Variants in TMEM184A observed in about 807,000 individuals in gnomAD.
The protein encoded by TMEM184A is transmembrane protein 184A.
A neutral mutation model predicts 39.5 loss-of-function variants in TMEM184A; 40 were observed. That is an observed-to-expected ratio of 1.01 (90% CI 0.79 to 1.32). The LOEUF is 1.32. TMEM184A is among the 40% of genes most tolerant of loss of function. TMEM184A has a pLI of 0.00. For synonymous variants in TMEM184A, 280 were observed against 252.3 expected, an observed-to-expected ratio of 1.11 and a Z score of -1.04; for missense variants, 603 against 568.8, an observed-to-expected ratio of 1.06 and a Z score of -0.61.
rs1261893844 is a variant in TMEM184A at position 1,543,648 on chromosome 7, A to T, written c.*3304T>A. The T allele has an allele frequency of 6.6e-6, 1 of 152,328 alleles. No homozygotes were observed. The highest frequency in any genetic ancestry group is 1.5e-5 in the Non-Finnish European group (1 of 68,106). The allele number at this position is 152,328 out of a possible 1,614,324, so 9.4% of individuals were successfully genotyped here. ...GTGAAATCCCAACTCGAGTTTTTTGAGACAGTATCTTGCTTTGTCACCCAA... is the reference window on the plus strand; with the variant it reads ...GTGAAATCCCAACTCGAGTTTTTTGTGACAGTATCTTGCTTTGTCACCCAA... On this transcript the variant is annotated 3_prime_UTR_variant, in exon 9 of 9. Transcript: ENST00000297477.
rs371546780 is a variant in TMEM184A at position 1,555,303 on chromosome 7, A to G, written c.182T>C (p.Ile61Thr). The change falls in exon 2 of 9, where the codon ATC becomes ACC. Residue 61 changes from isoleucine to threonine, a missense_variant. By Grantham distance (89) the Ile-to-Thr change is moderately conservative. Transcript: ENST00000297477. This position sits in a 1 kb window ranked among gnomAD's most constrained non-coding sequence, Gnocchi z 5.2. ...TSALARGVSG[I>T]FVWTALVLTC... ...GAGCACCAGGGCAGTCCACACGAAG[A>G]TCCCCGAGACGCCTCGGGCCAGTGC... The G allele has an allele frequency of 2.5e-6, 4 of 1,607,286 alleles. No individual in the cohort carries two copies. The highest frequency in any genetic ancestry group is 3.4e-6 in the Non-Finnish European group (4 of 1,177,232).
At chr7:1,550,723 G>A (rs1784555574) in intron 3 of TMEM184A, 94 bp downstream of exon 3, 9 of 1,479,086 alleles carry the variant, frequency 6.1e-6, no homozygotes, top group Non-Finnish European at 8.3e-6. Context: ...AGAGTGGGGT[G>A]CCCTGGGGAC....
chr7:1,545,488 G>C lies in TMEM184A; in HGVS notation c.*1464C>G, dbSNP rs970160195. 6.6e-6 allele frequency: 1 copy of C among 152,600 alleles called. No individual in the cohort carries two copies. Among genetic ancestry groups the C allele is most frequent in the Non-Finnish European group, 1.5e-5 (1 of 68,232 alleles). The allele number at this position is 152,600 out of a possible 1,614,324, so 9.5% of individuals were successfully genotyped here. On this transcript the variant is annotated 3_prime_UTR_variant, in exon 9 of 9. Coordinates refer to ENST00000297477, the MANE Select transcript of TMEM184A (RefSeq NM_001097620.2). ...GTGGGGGGCAGCACGGGTGGGAGCC[G>C]CGGTCCCGGGGTGGTGCCCACTGGA... is the stretch of plus-strand genomic sequence containing the variant.
In TMEM184A at chr7:1,548,425, G is replaced by A. The variant is rs577129992; in HGVS notation, c.814+94C>T. On this transcript the variant is annotated intron_variant, in intron 7 of 8. Transcript: ENST00000297477. Reference sequence around the variant, plus strand: ...GCTGCAGCTGGAGAAACTGAAGCACGTGGGGGCTGGGGAAAGGGGTGTGAG... The same window carrying A: ...GCTGCAGCTGGAGAAACTGAAGCACATGGGGGCTGGGGAAAGGGGTGTGAG... 9.2e-6 allele frequency: 13 copies of A among 1,410,224 alleles called. No homozygotes were observed. In the South Asian group the frequency reaches 1.1e-4, roughly 12 times the overall value. 87.4% of individuals were successfully genotyped at this position (1,410,224 alleles called of 1,614,324 possible). A position where few individuals can be genotyped will look rare whatever the true frequency, so the allele number is the denominator to read the frequency against.
In TMEM184A at chr7:1,548,581, G is replaced by A; in HGVS notation, c.752C>T (p.Pro251Leu). 1.2e-6 allele frequency: 2 copies of A among 1,613,884 alleles called. No homozygotes were observed. The highest frequency in any genetic ancestry group is 2.2e-5 in the South Asian group (2 of 91,082). Residue 251 changes from proline to leucine, a missense_variant, in exon 7 of 9, where the codon CCC (proline) becomes CTC (leucine). Physicochemically the swap from Pro to Leu is moderately conservative, Grantham distance 98. Coordinates refer to ENST00000297477, the MANE Select transcript of TMEM184A (RefSeq NM_001097620.2). ...GAGGAACTTGAGGACGGGCTGGAAG[G>A]GCCGCAGGAGCTCCCTGGTGGTGAA... ...FYFTTRELLR[P>L]FQPVLKFLTI...
At position 1,546,844 on chromosome 7, in the gene TMEM184A, C is replaced by A. The variant is rs1432196149; in HGVS notation, c.*108G>T. On this transcript the variant is annotated 3_prime_UTR_variant, in exon 9 of 9. Coordinates refer to ENST00000297477, the MANE Select transcript of TMEM184A (RefSeq NM_001097620.2). ...GCTCCGAGGGCCTCACAGGTGGGCT[C>A]TCAGGAGAGGCCCCACCTTTGGCAG... 1.3e-6 allele frequency: 1 copy of A among 764,822 alleles called. No homozygotes were observed. The highest frequency in any genetic ancestry group is 1.8e-5 in the African/African-American group (1 of 56,060). 47.4% of individuals were successfully genotyped at this position (764,822 alleles called of 1,614,324 possible).
chr7:1,555,337 G>A lies in TMEM184A; in HGVS notation c.148C>T (p.Leu50Phe), dbSNP rs773918251. The change falls in exon 2 of 9, where the codon CTC (leucine) becomes TTC (phenylalanine). Residue 50 changes from leucine (L) to phenylalanine (F), a missense_variant. Leu to Phe is a conservative substitution (Grantham distance 22). Transcript: ENST00000297477. The surrounding 1 kb of genome is among the most constrained non-coding windows in gnomAD (Gnocchi z 5.2). ...ACGCCTCGGGCCAGTGCGGAGGTGA[G>A]GAAGAGCCAGGGGGCCCCCTGGGAG... ...NSSQGAPWLF[L>F]TSALARGVSG... The A allele has an allele frequency of 3.1e-6, 5 of 1,610,364 alleles. No homozygotes were observed. Among genetic ancestry groups the A allele is most frequent in the Admixed American group, 3.4e-5 (2 of 59,584 alleles).
At position 1,548,743 on chromosome 7, in the gene TMEM184A, C is replaced by A. The variant is rs751639977; in HGVS notation, c.645-55G>T. On this transcript the variant is annotated intron_variant, in intron 6 of 8. Transcript: ENST00000297477. ...GGTCCCATGACCCCGCCACTGTCCC[C>A]ACCCTAGAGCCACCGCCGCTGCACC... is the stretch of plus-strand genomic sequence containing the variant. 8 of 1,590,586 alleles carry A rather than the reference C, an allele frequency of 5.0e-6. No individual in the cohort carries two copies. In the Admixed American group the frequency reaches 1.4e-4, roughly 28 times the overall value.
chr7:1,550,920 G>A lies in TMEM184A; in HGVS notation c.282C>T (p.Leu94=), dbSNP rs1784565499. 1 of 1,613,834 alleles carries A rather than the reference G, an allele frequency of 6.2e-7. No individual in the cohort carries two copies. Among genetic ancestry groups the A allele is most frequent in the Non-Finnish European group, 8.5e-7 (1 of 1,179,964 alleles). The change falls in exon 3 of 9, where the codon CTC becomes CTT. Residue 94 remains leucine (L), a synonymous_variant. Transcript: ENST00000297477. ...PQEQRYIIRL[L]LIVPIYAFDS... is the part of the protein sequence containing the mutation. ...CGAAGGCGTAGATGGGCACGATGAG[G>A]AGCAGGCGGATGATGTAACGTTGCT...
At position 1,547,866 on chromosome 7, in the gene TMEM184A, C is replaced by A; in HGVS notation, c.888G>T (p.Gly296=). The A allele has an allele frequency of 6.2e-7, 1 of 1,604,322 alleles. No individual in the cohort carries two copies. The highest frequency in any genetic ancestry group is 8.5e-7 in the Non-Finnish European group (1 of 1,175,914). Residue 296 remains glycine (G), a synonymous_variant, in exon 8 of 9, where the codon GGG becomes GGT. Coordinates refer to ENST00000297477, the MANE Select transcript of TMEM184A (RefSeq NM_001097620.2). The part of the protein sequence containing the change: ...EVETSGGNKL[G]AGTLAAGYQN... Reference sequence around the variant, plus strand: ...GGTAGCCGGCGGCCAGCGTGCCAGCCCCCAGCTTGTTCCCGCCGCTGGTCT... The same window carrying A: ...GGTAGCCGGCGGCCAGCGTGCCAGCACCCAGCTTGTTCCCGCCGCTGGTCT...
At chr7:1,550,051 G>A in intron 5 of TMEM184A, 72 bp downstream of exon 5, 8 of 1,584,936 alleles carry the variant, frequency 5.0e-6, no homozygotes, top group Admixed American at 1.7e-5. Context: ...TGGGTGGGGT[G>A]GCGCTGGGCC....
chr7:1,548,424 C>T (rs936661619), intron 7 of TMEM184A, 95 bp downstream of exon 7: 14 of 1,405,400 alleles, frequency 1.0e-5, no homozygotes, highest in East Asian at 2.3e-5. Context: ...AACTGAAGCA[C>T]GTGGGGGCTG....
chr7:1,555,354 C>G lies in TMEM184A; in HGVS notation c.131G>C (p.Gly44Ala). 3.1e-6 allele frequency: 5 copies of G among 1,610,778 alleles called. No homozygotes were observed. The highest frequency in any genetic ancestry group is 4.2e-6 in the Non-Finnish European group (5 of 1,178,950). Reference protein sequence around the residue: ...QMDHMGNSSQGAPWLFLTSAL... With the variant: ...QMDHMGNSSQAAPWLFLTSAL... ...GGAGGTGAGGAAGAGCCAGGGGGCCCCCTGGGAGCTGTTCCCCATGTGGTC... is the reference window on the plus strand; with the variant it reads ...GGAGGTGAGGAAGAGCCAGGGGGCCGCCTGGGAGCTGTTCCCCATGTGGTC... Residue 44 changes from glycine to alanine, a missense_variant, in exon 2 of 9, where the codon GGG becomes GCG. Transcript: ENST00000297477. This position sits in a 1 kb window ranked among gnomAD's most constrained non-coding sequence, Gnocchi z 5.2.
Position 1,543,506 on chromosome 7 carries a change from ACTC to A in TMEM184A, c.*3443_*3445del, listed in dbSNP as rs940178226. 32 of 151,714 alleles carry A rather than the reference ACTC, an allele frequency of 2.1e-4. No homozygotes were observed. Among genetic ancestry groups the A allele is most frequent in the African/African-American group, 7.0e-4 (29 of 41,258 alleles). The allele number at this position is 151,714 out of a possible 1,614,324, so 9.4% of individuals were successfully genotyped here. A position where few individuals can be genotyped will look rare whatever the true frequency, so the allele number is the denominator to read the frequency against. ...CTGCACAGTGGCCGGAAGCCCGTGGACTCCTCCGAAAAGCCACGGGCCTGCCCG... is the reference window on the plus strand; with the variant it reads ...CTGCACAGTGGCCGGAAGCCCGTGGACTCCGAAAAGCCACGGGCCTGCCCG... On this transcript the variant is annotated 3_prime_UTR_variant, in exon 9 of 9. Transcript: ENST00000297477.
In TMEM184A at chr7:1,547,248, C is replaced by A. The variant is rs562614255; in HGVS notation, c.1013-67G>T. 1.6e-5 allele frequency: 14 copies of A among 878,836 alleles called. No homozygotes were observed. The African/African-American group carries it at 2.3e-4, about 14-fold the overall frequency. The allele number at this position is 878,836 out of a possible 1,614,324, so 54.4% of individuals were successfully genotyped here. ...CTCCAGCTCCCCGGACAAGTCCCCT[C>A]CCAGGATGCCCAGGGCTGTAGCTCC... On this transcript the variant is annotated intron_variant, in intron 8 of 8. Transcript: ENST00000297477.
rs560921318 is a variant in TMEM184A, at chr7:1,551,018, G to A, written c.220-36C>T. 571 of 1,582,032 alleles carry A rather than the reference G, an allele frequency of 3.6e-4. 6 individuals carry two copies. The South Asian group carries it at 4.5e-3, about 13-fold the overall frequency. On this transcript the variant is annotated intron_variant, in intron 2 of 8. Transcript: ENST00000297477. ...GAGGGGTCGCATGAGAGCCGGGCCC[G>A]CCTGGTACCCCTGGACCAGCCCAGG...
Position 1,555,544 on chromosome 7 carries a change from C to A in TMEM184A, c.1-60G>T. 1.5e-6 allele frequency: 2 copies of A among 1,315,156 alleles called. No homozygotes were observed. The highest frequency in any genetic ancestry group is 2.3e-5 in the South Asian group (2 of 85,164). 81.5% of individuals were successfully genotyped at this position (1,315,156 alleles called of 1,614,324 possible). A position where few individuals can be genotyped will look rare whatever the true frequency, so the allele number is the denominator to read the frequency against. ...TGAGGGCAAAGGTACTGGCTCCCGG[C>A]AGCAGGAAGCAGCGGGGGAGGGAGG... On this transcript the variant is annotated intron_variant, in intron 1 of 8. Transcript: ENST00000297477. The surrounding 1 kb of genome is among the most constrained non-coding windows in gnomAD (Gnocchi z 5.2).
intron 2 of TMEM184A, among the ~76,000 whole-genome samples, chr7:1,553,634 T>C (rs891189172): frequency 6.6e-6 from 1 of 150,626 alleles, no homozygotes; most frequent in African/African-American, 2.5e-5. Flanking sequence ...GCTCAGGGAG[T>C]TGGGGGAGGT....
In TMEM184A at chr7:1,555,893, G is replaced by T. The variant is rs1005732670; in HGVS notation, c.-1+221C>A. On this transcript the variant is annotated intron_variant, in intron 1 of 8. Coordinates refer to ENST00000297477, the MANE Select transcript of TMEM184A (RefSeq NM_001097620.2). The surrounding 1 kb of genome is among the most constrained non-coding windows in gnomAD (Gnocchi z 5.2). ...CCAGCACTGCCTGCCCCGGCAGGAG[G>T]GGGTGTGCAGCCACCCTCATGGGAG... 2 of 270,210 alleles carry T rather than the reference G, an allele frequency of 7.4e-6. No individual in the cohort carries two copies. The highest frequency in any genetic ancestry group is 2.5e-3 in the Middle Eastern group (2 of 790). The allele number at this position is 270,210 out of a possible 1,614,324, so 16.7% of individuals were successfully genotyped here. A position where few individuals can be genotyped will look rare whatever the true frequency, so the allele number is the denominator to read the frequency against.
Sources: gnomAD v4.1 joint callset for allele counts (sites outside exome capture counted in the v4.1 genomes callset) on GRCh38, gnomAD v4.1.1 for gene constraint, Gnocchi (gnomAD v3.1) non-coding constraint, MANE v1.5 for transcripts, NCBI Gene and HGNC (gene_info 2026-07-23, HGNC 2026-07-21) for gene names.